EBAG9: variants seen among roughly 807,000 people sequenced by gnomAD.
The protein encoded by EBAG9 is receptor-binding cancer antigen expressed on SiSo cells.
Under a neutral mutation model 30.9 loss-of-function variants are expected in EBAG9, and 16 were observed. That is an observed-to-expected ratio of 0.52 (90% CI 0.35 to 0.79). The LOEUF (loss-of-function observed/expected upper bound fraction) is 0.79, where lower values mean the gene tolerates loss of function less well. Ranked by LOEUF, EBAG9 falls within the 30% of genes least tolerant of loss-of-function variation. The probability of loss-of-function intolerance (pLI) is 0.01; values close to 1 mark genes in which losing one functional copy is unlikely to be tolerated. For synonymous variants in EBAG9, 93 were observed against 82.8 expected, an observed-to-expected ratio of 1.12 and a Z score of -0.67; for missense variants, 197 against 242.1, an observed-to-expected ratio of 0.81 and a Z score of 1.24.
rs1366461373 is a variant in EBAG9, at chr8:109,565,100, A to C, written c.*541A>C. 2.6e-5 allele frequency: 4 copies of C among 152,548 alleles called. No individual in the cohort carries two copies. The highest frequency in any genetic ancestry group is 5.9e-5 in the Non-Finnish European group (4 of 67,982). The allele number at this position is 152,548 out of a possible 1,614,324, so 9.4% of individuals were successfully genotyped here. A position where few individuals can be genotyped will look rare whatever the true frequency, so the allele number is the denominator to read the frequency against. On this transcript the variant is annotated 3_prime_UTR_variant, in exon 7 of 7. Transcript: ENST00000337573. ...ATTGTTTACGTTTGATACAACATTA[A>C]GGAATTTGATGATTTTCATTTCATG...
At chr8:109,548,701 T>A (rs1207898974) in intron 1 of EBAG9, among the ~76,000 whole-genome samples, 1 of 152,036 alleles carries the variant, frequency 6.6e-6, no homozygotes, top group Non-Finnish European at 1.5e-5. Flanking sequence ...AGATTTGTCC[T>A]CAAGTATCAT....
At chr8:109,563,606 AG>A in intron 6 of EBAG9, 3 of 1,470,418 alleles carry the variant, frequency 2.0e-6, no homozygotes, top group Non-Finnish European at 2.7e-6. Context: ...ACTTAAGTTC[AG>A]GGGGACATGT....
chr8:109,550,855 T>C lies in EBAG9; in HGVS notation c.31T>C (p.Phe11Leu). MAITQFRLFKFCTCLATVFSF... is the reference protein window; with the variant it reads MAITQFRLFKLCTCLATVFSF... ...CATCACCCAGTTTCGGTTATTTAAATTTTGTACCTGCCTAGCAACAGTATT... is the reference window on the plus strand; with the variant it reads ...CATCACCCAGTTTCGGTTATTTAAACTTTGTACCTGCCTAGCAACAGTATT... The change falls in exon 2 of 7, where the codon TTT (phenylalanine) becomes CTT (leucine). Residue 11 changes from phenylalanine (F) to leucine (L), a missense_variant. Coordinates refer to ENST00000337573, the MANE Select transcript of EBAG9 (RefSeq NM_004215.5). 1.9e-6 allele frequency: 3 copies of C among 1,604,174 alleles called. No homozygotes were observed. The highest frequency in any genetic ancestry group is 2.6e-6 in the Non-Finnish European group (3 of 1,173,958).
intron 2 of EBAG9, 137 bp downstream of exon 2, chr8:109,551,044 C>G (rs1204241569): frequency 5.1e-6 from 3 of 587,006 alleles, no homozygotes; most frequent in Non-Finnish European, 9.0e-6. Flanking sequence ...TCATTAATTC[C>G]TAGTCATTTT....
chr8:109,552,782 C>A (rs1209334917), intron 2 of EBAG9, among the ~76,000 whole-genome samples: 1 of 152,006 alleles, frequency 6.6e-6, no homozygotes, highest in Non-Finnish European at 1.5e-5. Context: ...TCTGAAGGAA[C>A]CTTAGACCAT....
At chr8:109,540,007 T>C, upstream of EBAG9, 1 of 152,728 alleles carries the variant, frequency 6.5e-6, no homozygotes, top group East Asian at 1.9e-4. Flanking sequence ...TGGGGCATTG[T>C]CTGCCCTTCG....
chr8:109,553,814 C>T (rs1821541333), intron 2 of EBAG9, 51 bp from the exon 3 acceptor site: 1 of 1,451,862 alleles, frequency 6.9e-7, no homozygotes, highest in Non-Finnish European at 9.5e-7. Flanking sequence ...AGTGCTTTTA[C>T]TTTGCTTGTT....
At chr8:109,563,542 A>G in intron 6 of EBAG9, 3 of 1,586,420 alleles carry the variant, frequency 1.9e-6, no homozygotes, top group Non-Finnish European at 2.6e-6. Context: ...ACAGGTATGT[A>G]TTTCACAAAG....
chr8:109,553,098 G>T, intron 2 of EBAG9, among the ~76,000 whole-genome samples: 1 of 151,338 alleles, frequency 6.6e-6, no homozygotes, highest in Admixed American at 6.6e-5. Context: ...TTGAAGTGAA[G>T]TAAATGACTA....
At chr8:109,553,411 C>T (rs1350611272) in intron 2 of EBAG9, among the ~76,000 whole-genome samples, 2 of 152,046 alleles carry the variant, frequency 1.3e-5, no homozygotes, top group African/African-American at 4.8e-5. Flanking sequence ...AGTAAGTTAC[C>T]ATTTGGTTCA....
upstream of EBAG9, chr8:109,540,002 C>T (rs998509734): frequency 1.3e-5 from 2 of 152,632 alleles, no homozygotes; most frequent in Non-Finnish European, 2.9e-5. Flanking sequence ...GCCTCTGGGG[C>T]ATTGTCTGCC....
At chr8:109,540,791 A>G (rs969234198) in intron 1 of EBAG9, 2 of 152,186 alleles carry the variant, frequency 1.3e-5, no homozygotes, top group African/African-American at 4.8e-5. Context: ...AGAGAGTTAT[A>G]GTTTGAGGAT....
chr8:109,553,811 T>C (rs1821541279), intron 2 of EBAG9, 54 bp from the exon 3 acceptor site: 1 of 1,433,852 alleles, frequency 7.0e-7, no homozygotes, highest in African/African-American at 1.4e-5. Context: ...AATAGTGCTT[T>C]TACTTTGCTT....
chr8:109,561,295 T>G (rs2131132912), intron 6 of EBAG9, among the ~76,000 whole-genome samples: 1 of 151,912 alleles, frequency 6.6e-6, no homozygotes, highest in Admixed American at 6.6e-5. Flanking sequence ...AAGTTACAAC[T>G]TTATTTCCAT....
At chr8:109,559,068 T>C (rs1312712083) in intron 5 of EBAG9, among the ~76,000 whole-genome samples, 1 of 152,176 alleles carries the variant, frequency 6.6e-6, no homozygotes, top group African/African-American at 2.4e-5. Flanking sequence ...ACTCTAACAG[T>C]CAAATACTTT....
At chr8:109,543,135 CTTTTTTTTTTTTTTTTTT>C (rs557388998) in intron 1 of EBAG9, among the ~76,000 whole-genome samples, 1 of 52,860 alleles carries the variant, frequency 1.9e-5, no homozygotes, top group African/African-American at 4.0e-5. Context: ...TATTCTGGTT[CTTTTTTTTTTTTTTTTTT>C]TTTTTTTTTT....
intron 6 of EBAG9, among the ~76,000 whole-genome samples, chr8:109,563,789 A>G (rs1290108861): frequency 2.6e-5 from 4 of 152,016 alleles, no homozygotes; most frequent in East Asian, 3.9e-4. Context: ...GTTCTCCTCT[A>G]TGTGTTCATG....
intron 1 of EBAG9, among the ~76,000 whole-genome samples, chr8:109,545,617 C>G (rs1821369144): frequency 6.6e-6 from 1 of 152,098 alleles, no homozygotes; most frequent in Non-Finnish European, 1.5e-5. Flanking sequence ...CCCGCCTCAG[C>G]CTCCCAAAGC....
At chr8:109,559,033 TA>T (rs34410229) in intron 5 of EBAG9, among the ~76,000 whole-genome samples, 66,333 of 151,896 alleles carry the variant, frequency 0.44, 15,170 homozygotes, top group South Asian at 0.56. Context: ...TTTTACTTTT[TA>T]AAAAAAATCT....
Sources: gnomAD v4.1 joint callset for allele counts (sites outside exome capture counted in the v4.1 genomes callset) on GRCh38, gnomAD v4.1.1 for gene constraint, MANE v1.5 for transcripts, NCBI Gene and HGNC (gene_info 2026-07-23, HGNC 2026-07-21) for gene names.